The following SPART variants were observed in gnomAD, a reference collection of about 807,000 sequenced individuals.
The protein encoded by SPART is spartin, also known as spastic paraplegia 20 (Troyer syndrome).
A neutral mutation model predicts 58.7 loss-of-function variants in SPART; 35 were observed. That is an observed-to-expected ratio of 0.60 (90% CI 0.46 to 0.79). The LOEUF is 0.79. Among genes scored for constraint, SPART ranks in the 30% least tolerant of loss-of-function variants. The probability of loss-of-function intolerance (pLI) is 0.00; values close to 1 mark genes in which losing one functional copy is unlikely to be tolerated. For synonymous variants in SPART, 284 were observed against 280.7 expected (o/e 1.01, Z -0.12); for missense variants, 730 against 786.1 (o/e 0.93, Z 0.85).
At chr13:36,305,052 CTA>C (rs1362259470) in intron 8 of SPART, among the ~76,000 whole-genome samples, 3 of 152,008 alleles carry the variant, frequency 2.0e-5, no homozygotes, top group Non-Finnish European at 2.9e-5. Flanking sequence ...CAGACTTTGG[CTA>C]TGTCTTTTAA....
At chr13:36,332,972 G>T (rs1401041911) in intron 2 of SPART, among the ~76,000 whole-genome samples, 4 of 151,276 alleles carry the variant, frequency 2.6e-5, no homozygotes, top group Non-Finnish European at 5.9e-5. Context: ...CAAAAAAATT[G>T]TAAAAGTTAT....
chr13:36,329,418 T>G lies in SPART; in HGVS notation c.1108A>C (p.Lys370Gln). 3 of 1,614,152 alleles carry G rather than the reference T, an allele frequency of 1.9e-6. No individual in the cohort carries two copies. Among genetic ancestry groups the G allele is most frequent in the Non-Finnish European group, 2.5e-6 (3 of 1,180,006 alleles). ...QLKEASGTDV[K>Q]QLDQGNKDVR... ...TCCTTATTGCCTTGGTCCAACTGTT[T>G]CACATCAGTGCCAGAGGCTTCTTTT... is the stretch of plus-strand genomic sequence containing the variant. Residue 370 changes from lysine to glutamine, a missense_variant, in exon 4 of 9, where the codon AAA (lysine) becomes CAA (glutamine). Coordinates refer to ENST00000438666, the MANE Select transcript of SPART (RefSeq NM_015087.5).
chr13:36,346,591 G>T (rs1367878837), upstream of SPART: 1 of 152,280 alleles, frequency 6.6e-6, no homozygotes, highest in Non-Finnish European at 1.5e-5. Context: ...CCTTCTAAAT[G>T]GTACGTGGGA....
intron 1 of SPART, among the ~76,000 whole-genome samples, chr13:36,356,499 C>G (rs1885628238): frequency 6.6e-6 from 1 of 152,200 alleles, no homozygotes; most frequent in Non-Finnish European, 1.5e-5. Flanking sequence ...TTGTCTTAAT[C>G]CAGACAGCCT....
At chr13:36,339,020 A>G (rs1159689781) in intron 1 of SPART, among the ~76,000 whole-genome samples, 2 of 152,116 alleles carry the variant, frequency 1.3e-5, no homozygotes, top group Non-Finnish European at 2.9e-5. Flanking sequence ...AACATGAGGC[A>G]AACATCCAGT....
chr13:36,304,569 T>TA lies in SPART; in HGVS notation c.1796dup (p.Thr600AsnfsTer6). The TA allele has an allele frequency of 6.2e-7, 1 of 1,614,188 alleles. No homozygotes were observed. On this transcript the variant is annotated frameshift_variant, in exon 9 of 9. Transcript: ENST00000438666. LOFTEE classifies it low-confidence loss of function (END_TRUNC). ...CAATGTTGTTAATATTGTAGGCAGT[T>TA]ACGCCAACATTGACCGCAGAATCCA...
chr13:36,316,560 G>A (rs1044721988), intron 5 of SPART, among the ~76,000 whole-genome samples: 2 of 151,942 alleles, frequency 1.3e-5, no homozygotes, highest in African/African-American at 4.8e-5. Flanking sequence ...CCCCCACTGA[G>A]CACCTTGCGA....
intron 1 of SPART, among the ~76,000 whole-genome samples, chr13:36,358,200 A>G (rs1213111526): frequency 1.3e-5 from 2 of 152,232 alleles, no homozygotes; most frequent in African/African-American, 4.8e-5. Flanking sequence ...TAAAATTTTC[A>G]AACGATTCTT....
At chr13:36,348,920 AAAG>A (rs1405616897), upstream of SPART, among the ~76,000 whole-genome samples, 5 of 152,196 alleles carry the variant, frequency 3.3e-5, no homozygotes, top group African/African-American at 9.6e-5. Context: ...AGATCTTGAA[AAAG>A]AAGAATGAAG....
chr13:36,369,889 G>A lies in SPART; in HGVS notation c.-3+200C>T, dbSNP rs187345271. Among the ~76,000 whole-genome samples the A allele has an allele frequency of 2.6e-5, 4 of 152,226 alleles. No individual in the cohort carries two copies. The East Asian group carries it at 7.7e-4, about 29-fold the overall frequency. Reference sequence around the variant, plus strand: ...CATACCTTTGGCTTTCTGTTGAATTGAACTTTCTGTTAAGTTTAAAATACA... The same window carrying A: ...CATACCTTTGGCTTTCTGTTGAATTAAACTTTCTGTTAAGTTTAAAATACA... On this transcript the variant is annotated intron_variant, in intron 1 of 8. Transcript: ENST00000355182.
intron 1 of SPART, among the ~76,000 whole-genome samples, chr13:36,365,115 G>A (rs74045304): frequency 0.014 from 2,098 of 152,188 alleles, 41 homozygotes; most frequent in African/African-American, 0.047. Context: ...TCCTTTCCAC[G>A]TGTCCTGCTG....
chr13:36,350,483 C>G (rs1042458096), upstream of SPART, among the ~76,000 whole-genome samples: 3 of 152,176 alleles, frequency 2.0e-5, no homozygotes, highest in Non-Finnish European at 4.4e-5. Flanking sequence ...TAGACAAGGA[C>G]TCCCCATTCT....
chr13:36,344,335 T>C (rs1207762972), intron 1 of SPART, among the ~76,000 whole-genome samples: 2 of 152,288 alleles, frequency 1.3e-5, no homozygotes, highest in Admixed American at 6.5e-5. Context: ...TTCCTAATAA[T>C]GTGTCAATGG....
rs1464685966 is a variant in SPART, at chr13:36,302,905, T to G, written c.*1460A>C. 2 of 152,194 alleles carry G rather than the reference T, an allele frequency of 1.3e-5. No homozygotes were observed. The highest frequency in any genetic ancestry group is 1.5e-5 in the Non-Finnish European group (1 of 68,024). 9.4% of individuals were successfully genotyped at this position (152,194 alleles called of 1,614,324 possible). On this transcript the variant is annotated 3_prime_UTR_variant, in exon 9 of 9. Coordinates refer to ENST00000438666, the MANE Select transcript of SPART (RefSeq NM_015087.5). Reference sequence around the variant, plus strand: ...CCCTTCAATGCCTCCCAGCCTCTGGTAACCATCATTCTACTCTCTATCTCC... The same window carrying G: ...CCCTTCAATGCCTCCCAGCCTCTGGGAACCATCATTCTACTCTCTATCTCC...
At chr13:36,326,478 A>C in intron 5 of SPART, 97 bp downstream of exon 5, 4 of 1,491,158 alleles carry the variant, frequency 2.7e-6, no homozygotes, top group Non-Finnish European at 3.7e-6. Flanking sequence ...AAAATACAAA[A>C]TATTATCTTT....
intron 5 of SPART, among the ~76,000 whole-genome samples, chr13:36,315,787 A>G (rs553967947): frequency 7.9e-5 from 12 of 152,334 alleles, no homozygotes; most frequent in Admixed American, 2.6e-4. Context: ...ATGAAGACTG[A>G]GAAATCATAA....
chr13:36,312,381 T>C lies in SPART; in HGVS notation c.1580A>G (p.Lys527Arg). ...CAGAGGAGATTTCCCATCTTTGTCTTTTTTAAGAGATTCTGGAACAAGTTT... is the reference window on the plus strand; with the variant it reads ...CAGAGGAGATTTCCCATCTTTGTCTCTTTTAAGAGATTCTGGAACAAGTTT... The part of the protein sequence containing the change: ...GSKLVPESLK[K>R]DKDGKSPLDG... Residue 527 changes from lysine (K) to arginine (R), a missense_variant, in exon 7 of 9, where the codon AAA becomes AGA. Physicochemically the swap from Lys to Arg is conservative, Grantham distance 26. Coordinates refer to ENST00000438666, the MANE Select transcript of SPART (RefSeq NM_015087.5). The C allele has an allele frequency of 6.2e-7, 1 of 1,614,162 alleles. No individual in the cohort carries two copies. Among genetic ancestry groups the C allele is most frequent in the South Asian group, 1.1e-5 (1 of 91,080 alleles).
upstream of SPART, among the ~76,000 whole-genome samples, chr13:36,349,804 T>C (rs559543091): frequency 3.6e-4 from 55 of 152,202 alleles, no homozygotes; most frequent in Non-Finnish European, 6.5e-4. Context: ...GCAATCAGCA[T>C]AGAGCCAAGA....
chr13:36,304,392 TA>T lies in SPART; in HGVS notation c.1973del (p.Val658GlufsTer22), dbSNP rs756209365. On this transcript the variant is annotated frameshift_variant, in exon 9 of 9. Coordinates refer to ENST00000438666, the MANE Select transcript of SPART (RefSeq NM_015087.5). LOFTEE classifies it high-confidence loss of function. ...ATTTATCTTTCTTCTTTGCCTCCTT[TA>T]CTTCCTTCGTCTGCTCATCCTTCTC... ...RGEKDEQTKE[V>X]KEAKKKDK 29 of 1,614,162 alleles carry T rather than the reference TA, an allele frequency of 1.8e-5. No individual in the cohort carries two copies. In the South Asian group the frequency reaches 3.2e-4, roughly 18 times the overall value.
Sources: allele counts gnomAD v4.1 joint callset (sites outside exome capture counted in the v4.1 genomes callset), GRCh38; gene constraint gnomAD v4.1.1; transcripts MANE v1.5; gene names NCBI Gene and HGNC (gene_info 2026-07-23, HGNC 2026-07-21).